Variants in GPD2 observed in about 807,000 individuals in gnomAD.
GPD2 encodes glycerol-3-phosphate dehydrogenase, mitochondrial.
In GPD2, 54 loss-of-function variants were observed where a neutral mutation model predicts 82.4. The observed-to-expected ratio is 0.66, with a 90% CI of 0.53 to 0.82. The LOEUF (loss-of-function observed/expected upper bound fraction) is 0.82, where lower values mean the gene tolerates loss of function less well. GPD2 is among the 40% of genes least tolerant of loss of function. The probability of loss-of-function intolerance (pLI) is 0.00; values close to 1 mark genes in which losing one functional copy is unlikely to be tolerated. For missense variants in GPD2, 748 were observed against 896.2 expected, an observed-to-expected ratio of 0.83 and a Z score of 2.11; for synonymous variants, 288 against 306.1, an observed-to-expected ratio of 0.94 and a Z score of 0.62.
chr2:156,498,923 G>A (rs1006796516), intron 3 of GPD2, among the ~76,000 whole-genome samples: 1 of 152,134 alleles, frequency 6.6e-6, no homozygotes, highest in African/African-American at 2.4e-5. Flanking sequence ...CAAGTATTAG[G>A]TTGTCATTAC....
the GPD2 span, among the ~76,000 whole-genome samples, chr2:156,421,004 T>C: frequency 6.6e-6 from 1 of 152,234 alleles, no homozygotes; most frequent in Admixed American, 6.5e-5. Flanking sequence ...GCCTACAGAA[T>C]AGAGTTTATT....
chr2:156,503,508 C>T (rs1011333577), intron 3 of GPD2, among the ~76,000 whole-genome samples: 8 of 151,942 alleles, frequency 5.3e-5, no homozygotes, highest in South Asian at 2.1e-4. Context: ...CAATGTCATA[C>T]GGGTCAGAAT....
At chr2:156,555,911 A>G (rs1025747826) in intron 8 of GPD2, among the ~76,000 whole-genome samples, 1 of 152,176 alleles carries the variant, frequency 6.6e-6, no homozygotes, top group Non-Finnish European at 1.5e-5. Flanking sequence ...GATGTGTCTC[A>G]GATAGGCTGT....
At chr2:156,529,293 T>G (rs1685744447) in intron 6 of GPD2, among the ~76,000 whole-genome samples, 1 of 150,172 alleles carries the variant, frequency 6.7e-6, no homozygotes, top group African/African-American at 2.5e-5. Flanking sequence ...TTGTTTGTTT[T>G]TTTCTTGTAA....
At position 156,570,339 on chromosome 2, in the gene GPD2, G is replaced by A. The variant is rs962382043; in HGVS notation, c.1608+121G>A. ...AATGCACATATGTCAGCTAAAACCAGGACTACTATGTCTTTCCAATATAGA... is the reference window on the plus strand; with the variant it reads ...AATGCACATATGTCAGCTAAAACCAAGACTACTATGTCTTTCCAATATAGA... On this transcript the variant is annotated intron_variant, in intron 12 of 16. Coordinates refer to ENST00000438166, the MANE Select transcript of GPD2 (RefSeq NM_000408.5). The A allele has an allele frequency of 2.3e-5, 19 of 835,738 alleles. No individual in the cohort carries two copies. In the African/African-American group the frequency reaches 2.8e-4, roughly 13 times the overall value. 51.8% of individuals were successfully genotyped at this position (835,738 alleles called of 1,614,324 possible).
At chr2:156,572,707 A>G (rs1344932314) in intron 13 of GPD2, among the ~76,000 whole-genome samples, 1 of 152,230 alleles carries the variant, frequency 6.6e-6, no homozygotes, top group African/African-American at 2.4e-5. Context: ...AGCATAGGAT[A>G]TAAGGAAGAA....
At position 156,521,957 on chromosome 2, in the gene GPD2, C is replaced by T. The variant is rs140990327; in HGVS notation, c.661+8461C>T. ...AATGAAACTGACATCATTGCTCATA[C>T]AGCAGGCATATTTTTTTTTGCCCCC... On this transcript the variant is annotated intron_variant, in intron 6 of 16. Coordinates refer to ENST00000438166, the MANE Select transcript of GPD2 (RefSeq NM_000408.5). Among the ~76,000 whole-genome samples the T allele has an allele frequency of 1.3e-3, 196 of 152,304 alleles. 4 individuals are homozygous for T. In the East Asian group the frequency reaches 0.033, roughly 26 times the overall value.
chr2:156,557,641 G>C, intron 9 of GPD2, 59 bp downstream of exon 9: 1 of 907,192 alleles, frequency 1.1e-6, no homozygotes, highest in Non-Finnish European at 1.9e-6. Context: ...AGCCATTCCA[G>C]CTCTCACTGG....
intron 13 of GPD2, among the ~76,000 whole-genome samples, chr2:156,578,609 TC>T (rs1219539391): frequency 6.6e-6 from 1 of 152,196 alleles, no homozygotes; most frequent in Admixed American, 6.5e-5. Flanking sequence ...AAGAAGCCAG[TC>T]AGTGTTTGCC....
chr2:156,495,757 A>G lies in GPD2; in HGVS notation c.103-287A>G, dbSNP rs1048582127. 1.9e-5 allele frequency: 8 copies of G among 422,412 alleles called. No homozygotes were observed. The Admixed American group carries it at 2.6e-4, about 14-fold the overall frequency. The allele number at this position is 422,412 out of a possible 1,614,324, so 26.2% of individuals were successfully genotyped here. A position where few individuals can be genotyped will look rare whatever the true frequency, so the allele number is the denominator to read the frequency against. The stretch of plus-strand genomic sequence containing the variant: ...ATAAGGTATTTGGGAATTGCTATAC[A>G]GTGTTGTGAATAATTGAACTTGGCT... On this transcript the variant is annotated intron_variant, in intron 2 of 16. Coordinates refer to ENST00000438166, the MANE Select transcript of GPD2 (RefSeq NM_000408.5).
intron 1 of GPD2, among the ~76,000 whole-genome samples, chr2:156,453,013 G>A (rs1682668822): frequency 6.6e-6 from 1 of 152,200 alleles, no homozygotes; most frequent in South Asian, 2.1e-4. Context: ...TTTGGGAAAA[G>A]AGATTTCAAA....
the GPD2 span, among the ~76,000 whole-genome samples, chr2:156,423,347 G>T: frequency 6.6e-6 from 1 of 152,164 alleles, no homozygotes; most frequent in Non-Finnish European, 1.5e-5. Context: ...GATTATAGGG[G>T]CTGGGTTTCT....
intron 8 of GPD2, among the ~76,000 whole-genome samples, chr2:156,556,974 T>A (rs887304935): frequency 2.6e-5 from 4 of 152,204 alleles, no homozygotes; most frequent in Non-Finnish European, 5.9e-5. Flanking sequence ...GAAAATACTT[T>A]GGCTATTCTT....
At chr2:156,431,834 A>G (rs1469429425), upstream of GPD2, among the ~76,000 whole-genome samples, 2 of 151,798 alleles carry the variant, frequency 1.3e-5, no homozygotes, top group Non-Finnish European at 2.9e-5. Flanking sequence ...GATTCATGGA[A>G]TAAATAGGGC....
chr2:156,473,850 AC>A (rs1683414500), intron 1 of GPD2, among the ~76,000 whole-genome samples: 2 of 152,258 alleles, frequency 1.3e-5, no homozygotes, highest in South Asian at 4.1e-4. Flanking sequence ...TATCCCAGCA[AC>A]CTAGGATATA....
chr2:156,470,804 G>A (rs1444892818), intron 1 of GPD2, among the ~76,000 whole-genome samples: 2 of 152,232 alleles, frequency 1.3e-5, no homozygotes, highest in African/African-American at 2.4e-5. Flanking sequence ...ATCTGAGCCA[G>A]ATAAGTTGCA....
At chr2:156,457,654 G>C (rs1212452101) in intron 1 of GPD2, among the ~76,000 whole-genome samples, 1 of 152,226 alleles carries the variant, frequency 6.6e-6, no homozygotes, top group Non-Finnish European at 1.5e-5. Flanking sequence ...TGAGTGTTAA[G>C]TGTACTTGGT....
chr2:156,507,348 G>T (rs1684824925), intron 3 of GPD2, among the ~76,000 whole-genome samples: 2 of 148,402 alleles, frequency 1.3e-5, no homozygotes, highest in Non-Finnish European at 3.0e-5. Flanking sequence ...TTGAGATAGG[G>T]TCTCATTCTG....
chr2:156,410,916 C>T, the GPD2 span, among the ~76,000 whole-genome samples: 2 of 152,134 alleles, frequency 1.3e-5, no homozygotes, highest in African/African-American at 4.8e-5. Context: ...GTAAAAGGAA[C>T]ACTCCATTTG....
Sources: allele counts gnomAD v4.1 joint callset (sites outside exome capture counted in the v4.1 genomes callset), GRCh38; gene constraint gnomAD v4.1.1; transcripts MANE v1.5; gene names NCBI Gene and HGNC (gene_info 2026-07-23, HGNC 2026-07-21).